The following GLS variants were observed in gnomAD, a reference collection of about 807,000 sequenced individuals.
GLS encodes glutaminase.
GLS carries 36 observed loss-of-function variants against 86.7 expected under a neutral mutation model. The observed-to-expected ratio is 0.42, with a 90% CI of 0.32 to 0.55. The LOEUF (loss-of-function observed/expected upper bound fraction) is 0.55. Among genes scored for constraint, GLS ranks in the 20% least tolerant of loss-of-function variants. GLS has a pLI of 0.17. For synonymous variants in GLS, 317 were observed against 305.9 expected, an observed-to-expected ratio of 1.04 and a Z score of -0.38; for missense variants, 528 against 833.4, an observed-to-expected ratio of 0.63 and a Z score of 4.51.
chr2:190,927,229 CAAATA>C lies in GLS; in HGVS notation c.1249-71_1249-67del. 6 of 1,049,318 alleles carry C rather than the reference CAAATA, an allele frequency of 5.7e-6. No homozygotes were observed. In the South Asian group the frequency reaches 1.0e-4, roughly 18 times the overall value. The allele number at this position is 1,049,318 out of a possible 1,614,324, so 65.0% of individuals were successfully genotyped here. A position where few individuals can be genotyped will look rare whatever the true frequency, so the allele number is the denominator to read the frequency against. On this transcript the variant is annotated intron_variant, in intron 11 of 17. Coordinates refer to ENST00000320717, the MANE Select transcript of GLS (RefSeq NM_014905.5). Reference sequence around the variant, plus strand: ...AATATTTCAGATCTGTATGAAATACCAAATAAAATAGATTATCTTAAAAGTGAACA... The same window carrying C: ...AATATTTCAGATCTGTATGAAATACCAAATAGATTATCTTAAAAGTGAACA...
At position 190,881,485 on chromosome 2, in the gene GLS, G is replaced by A. The variant is rs780929751; in HGVS notation, c.386+15G>A. ...TCAGGTGAAAAGTGAGTGTCTCCGC[G>A]AGGCGCAGGAGGCCTCGTTCCTTTC... is the stretch of plus-strand genomic sequence containing the variant. On this transcript the variant is annotated intron_variant, in intron 1 of 17. Coordinates refer to ENST00000320717, the MANE Select transcript of GLS (RefSeq NM_014905.5). 6.5e-7 allele frequency: 1 copy of A among 1,535,514 alleles called. No individual in the cohort carries two copies.
intron 14 of GLS, chr2:190,932,559 A>G (rs999286271): frequency 7.0e-5 from 29 of 413,610 alleles, no homozygotes; most frequent in Non-Finnish European, 1.1e-4. Flanking sequence ...AGAAACTTCC[A>G]TGGGAGTCGA....
chr2:190,928,892 GT>G (rs367999647), intron 12 of GLS, among the ~76,000 whole-genome samples: 268 of 12,810 alleles, frequency 0.021, 1 homozygote, highest in African/African-American at 0.065. Flanking sequence ...ATTCAGGTGT[GT>G]TTTTTTTTTT....
At chr2:190,882,411 T>A (rs574061260) in intron 1 of GLS, among the ~76,000 whole-genome samples, 1 of 152,366 alleles carries the variant, frequency 6.6e-6, no homozygotes, top group East Asian at 1.9e-4. Flanking sequence ...TCTTGTGTAA[T>A]ACAAATGGAC....
At chr2:190,950,188 C>T (rs1690682457) in intron 14 of GLS, among the ~76,000 whole-genome samples, 1 of 151,868 alleles carries the variant, frequency 6.6e-6, no homozygotes, top group South Asian at 2.1e-4. Flanking sequence ...CTGAGACCAG[C>T]CAGATGTTCT....
chr2:190,895,164 G>T lies in GLS; in HGVS notation c.399G>T (p.Gln133His). 6.8e-7 allele frequency: 1 copy of T among 1,478,440 alleles called. No homozygotes were observed. The allele number at this position is 1,478,440 out of a possible 1,614,324, so 91.6% of individuals were successfully genotyped here. A position where few individuals can be genotyped will look rare whatever the true frequency, so the allele number is the denominator to read the frequency against. The change falls in exon 2 of 18, where the codon CAG becomes CAT. Residue 133 changes from glutamine to histidine, a missense_variant. Physicochemically the swap from Gln to His is conservative, Grantham distance 24. Coordinates refer to ENST00000320717, the MANE Select transcript of GLS (RefSeq NM_014905.5). The surrounding 1 kb of genome is among the most constrained non-coding windows in gnomAD (Gnocchi z 4.2). Reference sequence around the variant, plus strand: ...TCTACCTCTTTAGTAAAATAAAACAGGGTCTGTTACCTAGCTTGGAAGATT... The same window carrying T: ...TCTACCTCTTTAGTAAAATAAAACATGGTCTGTTACCTAGCTTGGAAGATT... ...LVASGENKIK[Q>H]GLLPSLEDLL...
Position 190,897,525 on chromosome 2 carries a change from T to C in GLS, c.605+1800T>C, listed in dbSNP as rs1234333095. On this transcript the variant is annotated intron_variant, in intron 3 of 17. Transcript: ENST00000320717. This position sits in a 1 kb window ranked among gnomAD's most constrained non-coding sequence, Gnocchi z 4.3. ...AACTTGACAAATGTTTTATGGTCTA[T>C]ATGAGCAACCAGTAGAAAAGTACAA... Among the ~76,000 whole-genome samples the C allele has an allele frequency of 6.6e-6, 1 of 152,220 alleles. No individual in the cohort carries two copies. The highest frequency in any genetic ancestry group is 1.5e-5 in the Non-Finnish European group (1 of 68,032).
chr2:190,928,058 A>C (rs912020957), intron 12 of GLS, among the ~76,000 whole-genome samples: 1 of 152,106 alleles, frequency 6.6e-6, no homozygotes, highest in Admixed American at 6.6e-5. Flanking sequence ...AGAGAGATAC[A>C]TTTAATGTTA....
chr2:190,910,082 CTTGT>C (rs1689305366), intron 6 of GLS, among the ~76,000 whole-genome samples, 177 bp from the exon 7 acceptor site: 1 of 151,976 alleles, frequency 6.6e-6, no homozygotes, highest in East Asian at 1.9e-4. Flanking sequence ...ATGTAAATCA[CTTGT>C]TTGTGTTTTG....
At chr2:190,958,168 G>T (rs999584522) in intron 17 of GLS, among the ~76,000 whole-genome samples, 1 of 152,198 alleles carries the variant, frequency 6.6e-6, no homozygotes, top group Non-Finnish European at 1.5e-5. Flanking sequence ...ACTTGGGAGG[G>T]TGTATGTGTC....
At chr2:190,925,613 A>G (rs1689872682) in intron 11 of GLS, among the ~76,000 whole-genome samples, 1 of 152,132 alleles carries the variant, frequency 6.6e-6, no homozygotes. Flanking sequence ...TTCACCTTAC[A>G]TTTGCCTGTC....
Position 190,919,364 on chromosome 2 carries a change from C to G in GLS, c.1039-1660C>G, listed in dbSNP as rs1298521001. 7.9e-5 allele frequency among the ~76,000 whole-genome samples: 12 copies of G among 152,168 alleles called. No homozygotes were observed. In the East Asian group the frequency reaches 2.3e-3, roughly 29 times the overall value. On this transcript the variant is annotated intron_variant, in intron 7 of 17. Coordinates refer to ENST00000320717, the MANE Select transcript of GLS (RefSeq NM_014905.5). Reference sequence around the variant, plus strand: ...AATAGACCAATTATGTGACCATAGTCTAGAGTTGAATGGTTTTTATTTTTG... The same window carrying G: ...AATAGACCAATTATGTGACCATAGTGTAGAGTTGAATGGTTTTTATTTTTG...
intron 4 of GLS, among the ~76,000 whole-genome samples, chr2:190,901,188 T>C (rs763020516): frequency 6.6e-6 from 1 of 152,068 alleles, no homozygotes; most frequent in Non-Finnish European, 1.5e-5. Flanking sequence ...TGAGTATAAC[T>C]TTTGACTCCC....
chr2:190,887,784 C>T (rs935700840), intron 1 of GLS, among the ~76,000 whole-genome samples: 4 of 152,052 alleles, frequency 2.6e-5, no homozygotes, highest in African/African-American at 4.8e-5. Flanking sequence ...TGGAGAAAAA[C>T]GCATGTTCAA....
In GLS at chr2:190,921,270, C is replaced by G. The variant is rs771458586; in HGVS notation, c.1130+67C>G. 5 of 1,016,102 alleles carry G rather than the reference C, an allele frequency of 4.9e-6. No homozygotes were observed. Among genetic ancestry groups the G allele is most frequent in the Non-Finnish European group, 7.8e-6 (5 of 641,058 alleles). 62.9% of individuals were successfully genotyped at this position (1,016,102 alleles called of 1,614,324 possible). A position where few individuals can be genotyped will look rare whatever the true frequency, so the allele number is the denominator to read the frequency against. ...ACTGTATTTAGAATTGATCCACTCT[C>G]TTTTCATTGGAGGGAAATGAATGAT... On this transcript the variant is annotated intron_variant, in intron 9 of 17. Coordinates refer to ENST00000320717, the MANE Select transcript of GLS (RefSeq NM_014905.5). This position sits in a 1 kb window ranked among gnomAD's most constrained non-coding sequence, Gnocchi z 4.2.
intron 1 of GLS, among the ~76,000 whole-genome samples, chr2:190,889,145 A>C (rs779178437): frequency 1.3e-5 from 2 of 152,208 alleles, no homozygotes; most frequent in Non-Finnish European, 2.9e-5. Context: ...ATTCCAGCTC[A>C]TTTTACGTAT....
intron 14 of GLS, chr2:190,933,106 G>A (rs1690161499): frequency 4.3e-6 from 4 of 938,322 alleles, no homozygotes; most frequent in Non-Finnish European, 5.2e-6. Context: ...AATACAAAAA[G>A]GAAAAATTTA....
rs1688718172 is a variant in GLS, at chr2:190,895,919, T to C, written c.605+194T>C. The C allele has an allele frequency of 1.0e-5, 4 of 382,984 alleles. No homozygotes were observed. The highest frequency in any genetic ancestry group is 4.8e-6 in the Non-Finnish European group (1 of 207,640). 23.7% of individuals were successfully genotyped at this position (382,984 alleles called of 1,614,324 possible). On this transcript the variant is annotated intron_variant, in intron 3 of 17. Coordinates refer to ENST00000320717, the MANE Select transcript of GLS (RefSeq NM_014905.5). This position sits in a 1 kb window ranked among gnomAD's most constrained non-coding sequence, Gnocchi z 4.2. Reference sequence around the variant, plus strand: ...CACCGGGCTAAGAGTATTCTTTCTTTAAATCTGTTCTAAGCAAATTTAGCC... The same window carrying C: ...CACCGGGCTAAGAGTATTCTTTCTTCAAATCTGTTCTAAGCAAATTTAGCC...
intron 3 of GLS, 144 bp from the exon 4 acceptor site, chr2:190,900,420 T>C (rs755055472): frequency 3.0e-5 from 14 of 459,028 alleles, no homozygotes; most frequent in Non-Finnish European, 5.4e-5. Context: ...AAAGATAATG[T>C]AGAAAGCATA....
Sources: gnomAD v4.1 joint callset for allele counts (sites outside exome capture counted in the v4.1 genomes callset) on GRCh38, gnomAD v4.1.1 for gene constraint, Gnocchi (gnomAD v3.1) non-coding constraint, MANE v1.5 for transcripts, NCBI Gene and HGNC (gene_info 2026-07-23, HGNC 2026-07-21) for gene names.